HSD17B12: variants seen among roughly 807,000 people sequenced by gnomAD.
The protein encoded by HSD17B12 is very-long-chain 3-oxoacyl-CoA reductase.
In HSD17B12, 32 loss-of-function variants were observed where a neutral mutation model predicts 39.3. The observed-to-expected ratio is 0.81, with a 90% CI of 0.61 to 1.09. The LOEUF (loss-of-function observed/expected upper bound fraction) is 1.09. HSD17B12 is among the 50% of genes least tolerant of loss of function. HSD17B12 has a pLI of 0.00. For synonymous variants in HSD17B12, 150 were observed against 146.7 expected (o/e 1.02, Z -0.16); for missense variants, 342 against 382.9 (o/e 0.89, Z 0.89).
Position 43,754,066 on chromosome 11 carries a change from GGTT to G in HSD17B12, c.231_233del (p.Val78del). 1 of 1,612,218 alleles carries G rather than the reference GGTT, an allele frequency of 6.2e-7. No homozygotes were observed. The highest frequency in any genetic ancestry group is 1.1e-5 in the South Asian group (1 of 90,782). The stretch of plus-strand genomic sequence containing the variant: ...TTCAGTTAGCAAAGCATGGAATGAA[GGTT>G]GTCCTTATCAGCAGATCAAAGGATA... On this transcript the variant is annotated inframe_deletion, in exon 3 of 11. Coordinates refer to ENST00000278353, the MANE Select transcript of HSD17B12 (RefSeq NM_016142.3).
chr11:43,693,142 T>C (rs897216476), intron 1 of HSD17B12, among the ~76,000 whole-genome samples: 8 of 152,178 alleles, frequency 5.3e-5, no homozygotes, highest in African/African-American at 1.9e-4. Flanking sequence ...AGTTAGAGAA[T>C]GGCCAGGCCA....
chr11:43,738,829 G>C (rs1207914055), intron 1 of HSD17B12, among the ~76,000 whole-genome samples: 1 of 152,204 alleles, frequency 6.6e-6, no homozygotes, highest in African/African-American at 2.4e-5. Context: ...TAGTAGGAAA[G>C]AGAGTTTTAT....
chr11:43,825,884 A>G (rs1299200204), intron 6 of HSD17B12, among the ~76,000 whole-genome samples: 7 of 152,210 alleles, frequency 4.6e-5, no homozygotes. Flanking sequence ...AAGCTAGGTT[A>G]TAGGATAAAT....
chr11:43,757,355 C>T (rs954095958), intron 3 of HSD17B12, among the ~76,000 whole-genome samples: 11 of 152,010 alleles, frequency 7.2e-5, no homozygotes, highest in African/African-American at 2.4e-4. Flanking sequence ...ATAGGTAGGC[C>T]GGGCGCGGTG....
At chr11:43,853,856 A>C (rs1951557095) in intron 9 of HSD17B12, 1 of 152,332 alleles carries the variant, frequency 6.6e-6, no homozygotes, top group East Asian at 1.9e-4. Context: ...TGAGATAAAC[A>C]ATACATTCAC....
the HSD17B12 span, chr11:43,640,991 A>G: frequency 6.6e-6 from 1 of 151,708 alleles, no homozygotes; most frequent in African/African-American, 2.4e-5. Context: ...AAATTTGAAG[A>G]TTTTTTTGGA....
chr11:43,661,482 A>T, the HSD17B12 span, among the ~76,000 whole-genome samples: 10 of 152,314 alleles, frequency 6.6e-5, no homozygotes, highest in East Asian at 1.5e-3. Context: ...GTGCAATTTA[A>T]CCCAGTAAGT....
chr11:43,829,830 T>C (rs1273414831), intron 6 of HSD17B12: 1 of 152,158 alleles, frequency 6.6e-6, no homozygotes, highest in Non-Finnish European at 1.5e-5. Context: ...TTTATAATAC[T>C]TTAGCTAAGC....
the HSD17B12 span, among the ~76,000 whole-genome samples, chr11:43,663,803 A>C: frequency 1.3e-5 from 2 of 152,024 alleles, no homozygotes; most frequent in African/African-American, 2.4e-5. Flanking sequence ...CACGCTTAAG[A>C]TTCAACCCCT....
At chr11:43,763,223 A>G (rs536899885) in intron 3 of HSD17B12, among the ~76,000 whole-genome samples, 1 of 152,338 alleles carries the variant, frequency 6.6e-6, no homozygotes, top group Non-Finnish European at 1.5e-5. Flanking sequence ...GGTACCCAAG[A>G]CAAGAAATGA....
At chr11:43,581,140 G>A in the HSD17B12 span, among the ~76,000 whole-genome samples, 1 of 152,130 alleles carries the variant, frequency 6.6e-6, no homozygotes, top group African/African-American at 2.4e-5. The surrounding 1 kb of genome is among the most constrained non-coding windows in gnomAD (Gnocchi z 4.9). Flanking sequence ...TGGAGGCTGG[G>A]CTCCGGGATC....
chr11:43,766,970 A>G (rs1849705735), intron 3 of HSD17B12, among the ~76,000 whole-genome samples: 1 of 152,236 alleles, frequency 6.6e-6, no homozygotes, highest in Admixed American at 6.5e-5. Context: ...AAAATGTAGC[A>G]TACCCACCAA....
Position 43,714,528 on chromosome 11 carries a change from C to T in HSD17B12, c.160+33541C>T, listed in dbSNP as rs536195965. Among the ~76,000 whole-genome samples, 1,014 of 152,210 alleles carry T rather than the reference C, an allele frequency of 6.7e-3. 9 individuals carry two copies. The highest frequency in any genetic ancestry group is 0.023 in the African/African-American group (968 of 41,514). On this transcript the variant is annotated intron_variant, in intron 1 of 10. Coordinates refer to ENST00000278353, the MANE Select transcript of HSD17B12 (RefSeq NM_016142.3). ...ATCATGCTGTTTTGGTTACTGTAGCCTTGTAGTATAGTTTGAAGTCAGGTA... is the reference window on the plus strand; with the variant it reads ...ATCATGCTGTTTTGGTTACTGTAGCTTTGTAGTATAGTTTGAAGTCAGGTA...
intron 1 of HSD17B12, among the ~76,000 whole-genome samples, chr11:43,746,431 C>A (rs977837432): frequency 6.6e-6 from 1 of 151,992 alleles, no homozygotes; most frequent in African/African-American, 2.4e-5. Context: ...CTGGCCTGGG[C>A]CTACACCAGG....
At chr11:43,839,441 G>A (rs1268541192) in intron 8 of HSD17B12, among the ~76,000 whole-genome samples, 1 of 152,092 alleles carries the variant, frequency 6.6e-6, no homozygotes, top group Non-Finnish European at 1.5e-5. Flanking sequence ...CTAGTCTGAG[G>A]TTGCGTCCAC....
chr11:43,820,502 G>A (rs1951171391), intron 6 of HSD17B12, among the ~76,000 whole-genome samples: 1 of 152,142 alleles, frequency 6.6e-6, no homozygotes, highest in Admixed American at 6.5e-5. Flanking sequence ...AGTAGCAATG[G>A]CTGTTTGGAG....
At chr11:43,734,412 C>T (rs1413438929) in intron 1 of HSD17B12, 5 of 777,020 alleles carry the variant, frequency 6.4e-6, no homozygotes, top group Non-Finnish European at 9.3e-6. Flanking sequence ...TCTAAGGCAG[C>T]CGAGCTGATC....
At chr11:43,682,839 A>G (rs1255199294) in intron 1 of HSD17B12, among the ~76,000 whole-genome samples, 1 of 151,274 alleles carries the variant, frequency 6.6e-6, no homozygotes, top group Non-Finnish European at 1.5e-5. Context: ...GCTGGAGGGC[A>G]GTGGTGTGGT....
chr11:43,794,102 G>C (rs1266455870), intron 3 of HSD17B12, among the ~76,000 whole-genome samples: 3 of 152,238 alleles, frequency 2.0e-5, no homozygotes, highest in African/African-American at 7.2e-5. Context: ...GAGGCAGTTG[G>C]CCAAGACCAT....
Sources: gnomAD v4.1 joint callset for allele counts (sites outside exome capture counted in the v4.1 genomes callset) on GRCh38, gnomAD v4.1.1 for gene constraint, Gnocchi (gnomAD v3.1) non-coding constraint, MANE v1.5 for transcripts, NCBI Gene and HGNC (gene_info 2026-07-23, HGNC 2026-07-21) for gene names.